The following PCYT2 variants were observed in gnomAD, a reference collection of about 807,000 sequenced individuals.
PCYT2 encodes the protein phosphate cytidylyltransferase 2, ethanolamine, also known as ethanolamine-phosphate cytidylyltransferase.
Under a neutral mutation model 50.0 loss-of-function variants are expected in PCYT2, and 33 were observed. The ratio of observed to expected loss-of-function variants is 0.66; its 90% CI spans 0.50 to 0.88. The LOEUF is 0.88. Among genes scored for constraint, PCYT2 ranks in the 40% least tolerant of loss-of-function variants. The pLI, the probability that PCYT2 is intolerant of heterozygous loss-of-function variation, is 0.00. For missense variants in PCYT2, 430 were observed against 519.7 expected, an observed-to-expected ratio of 0.83 and a Z score of 1.68; for synonymous variants, 240 against 203.7, an observed-to-expected ratio of 1.18 and a Z score of -1.52.
At position 81,902,304 on chromosome 17, in the gene PCYT2, C is replaced by A. The variant is rs140557486; in HGVS notation, c.*2529G>T. 4,178 of 1,325,976 alleles carry A rather than the reference C, an allele frequency of 3.2e-3. 96 individuals are homozygous for A. The African/African-American group carries it at 0.058, about 18-fold the overall frequency. 82.1% of individuals were successfully genotyped at this position (1,325,976 alleles called of 1,614,324 possible). On this transcript the variant is annotated 3_prime_UTR_variant, in exon 13 of 13. Transcript: ENST00000538936. ...TGGCCCGGTCCGCGACACTGGCGGC[C>A]GCCGCCCTGGCGCTGTGCCTGCTGC...
rs547835867 is a variant in PCYT2 at position 81,909,750 on chromosome 17, G to A, written c.90-148C>T. On this transcript the variant is annotated intron_variant, in intron 1 of 12. Coordinates refer to ENST00000538936, the MANE Select transcript of PCYT2 (RefSeq NM_002861.5). ...CTGGGAGCCCTGGGACTGGGATTCG[G>A]AGGATGTAGGTGCTCAGCTCTCCAC... 144 of 641,522 alleles carry A rather than the reference G, an allele frequency of 2.2e-4. 1 individual carries two copies. The highest frequency in any genetic ancestry group is 3.6e-4 in the Non-Finnish European group (123 of 343,396). The allele number at this position is 641,522 out of a possible 1,614,324, so 39.7% of individuals were successfully genotyped here. A position where few individuals can be genotyped will look rare whatever the true frequency, so the allele number is the denominator to read the frequency against.
Position 81,902,591 on chromosome 17 carries a change from C to T in PCYT2, c.*2242G>A, listed in dbSNP as rs2039999229. On this transcript the variant is annotated 3_prime_UTR_variant, in exon 13 of 13. Coordinates refer to ENST00000538936, the MANE Select transcript of PCYT2 (RefSeq NM_002861.5). ...AGGACGTGGGTGGGGGTGCGGCGGC[C>T]CCTCAGCCTTTGCTTGCCTGCCCCC... 3 of 1,536,234 alleles carry T rather than the reference C, an allele frequency of 2.0e-6. No individual in the cohort carries two copies. Among genetic ancestry groups the T allele is most frequent in the South Asian group, 2.4e-5 (2 of 83,170 alleles).
In PCYT2 at chr17:81,902,247, C is replaced by T; in HGVS notation, c.*2586G>A. 8.1e-7 allele frequency: 1 copy of T among 1,229,544 alleles called. No homozygotes were observed. Among genetic ancestry groups the T allele is most frequent in the Non-Finnish European group, 1.0e-6 (1 of 986,560 alleles). The allele number at this position is 1,229,544 out of a possible 1,614,324, so 76.2% of individuals were successfully genotyped here. On this transcript the variant is annotated 3_prime_UTR_variant, in exon 13 of 13. Coordinates refer to ENST00000538936, the MANE Select transcript of PCYT2 (RefSeq NM_002861.5). ...AGGCGGTGGCTGCTCCGAGCCCGGA[C>T]GCCGCCGCCCACCAGTCAGCCGGCG...
Position 81,906,871 on chromosome 17 carries a change from C to T in PCYT2, c.565G>A (p.Gly189Arg), listed in dbSNP as rs765528397. 9.3e-6 allele frequency: 15 copies of T among 1,613,096 alleles called. No homozygotes were observed. The highest frequency in any genetic ancestry group is 3.3e-5 in the Admixed American group (2 of 59,992). The part of the protein sequence containing the change: ...KCPGGRNPWT[G>R]VSQFLQTSQK... ...GATGTCTGCAGGAACTGGGATACCCCGGTCCAGGGGTTCCGCCCACCAGGG... is the reference window on the plus strand; with the variant it reads ...GATGTCTGCAGGAACTGGGATACCCTGGTCCAGGGGTTCCGCCCACCAGGG... The change falls in exon 7 of 13, where the codon GGG (glycine) becomes AGG (arginine). Residue 189 changes from glycine to arginine, a missense_variant. This residue lies in a region of PCYT2 where 248 missense variants were observed against 300.2 expected (regional missense o/e 0.83). Transcript: ENST00000538936.
chr17:81,902,825 C>G lies in PCYT2; in HGVS notation c.*2008G>C, dbSNP rs1165798523. 1 of 1,352,828 alleles carries G rather than the reference C, an allele frequency of 7.4e-7. No homozygotes were observed. 83.8% of individuals were successfully genotyped at this position (1,352,828 alleles called of 1,614,324 possible). ...TCGGTGACCCCAGGCCCCTCCGGCG[C>G]GGGATGGCGCCCCAGGTCTCCCCTA... On this transcript the variant is annotated 3_prime_UTR_variant, in exon 13 of 13. Transcript: ENST00000538936.
In PCYT2 at chr17:81,902,882, A is replaced by C; in HGVS notation, c.*1951T>G. 1.3e-6 allele frequency: 1 copy of C among 763,542 alleles called. No homozygotes were observed. The highest frequency in any genetic ancestry group is 2.0e-6 in the Non-Finnish European group (1 of 507,858). The allele number at this position is 763,542 out of a possible 1,614,324, so 47.3% of individuals were successfully genotyped here. ...TCACCCCGCAGTTAATGGCAAACGA[A>C]TAAATAAATGAGGCGGCCTCGGAGT... On this transcript the variant is annotated 3_prime_UTR_variant, in exon 13 of 13. Transcript: ENST00000538936.
In PCYT2 at chr17:81,902,257, CACCA is replaced by C; in HGVS notation, c.*2572_*2575del. 1 of 1,237,550 alleles carries C rather than the reference CACCA, an allele frequency of 8.1e-7. No individual in the cohort carries two copies. The highest frequency in any genetic ancestry group is 1.0e-6 in the Non-Finnish European group (1 of 991,470). 76.7% of individuals were successfully genotyped at this position (1,237,550 alleles called of 1,614,324 possible). ...TGCTCCGAGCCCGGACGCCGCCGCC[CACCA>C]GTCAGCCGGCGTCCCCATGGCCCGG... is the stretch of plus-strand genomic sequence containing the variant. On this transcript the variant is annotated 3_prime_UTR_variant, in exon 13 of 13. Transcript: ENST00000538936.
chr17:81,907,510 C>T (rs922786063), intron 6 of PCYT2, 44 bp downstream of exon 6: 1 of 1,575,866 alleles, frequency 6.3e-7, no homozygotes, highest in Non-Finnish European at 8.6e-7. Context: ...CGGGGGAGCC[C>T]CCTGCAGCTG....
Position 81,902,743 on chromosome 17 carries a change from G to A in PCYT2, c.*2090C>T. The A allele has an allele frequency of 6.2e-7, 1 of 1,605,546 alleles. No homozygotes were observed. The highest frequency in any genetic ancestry group is 1.3e-5 in the African/African-American group (1 of 74,504). ...CCTGCGCGCAGCCGACTGCCTCGCC[G>A]CCTGAGCCCGGACCTCTCCTGGCAC... On this transcript the variant is annotated 3_prime_UTR_variant, in exon 13 of 13. Coordinates refer to ENST00000538936, the MANE Select transcript of PCYT2 (RefSeq NM_002861.5).
chr17:81,905,730 C>T lies in PCYT2; in HGVS notation c.843G>A (p.Val281=). ...ACGGGGCTCCAATCACCACTTCTGA[C>T]ACGTACTGTGGGGACAGTGGGGGCA... ...RTLSVLACRY[V]SEVVIGAPYA... Residue 281 remains valine (V), a synonymous_variant, in exon 10 of 13, where the codon GTG becomes GTA. Transcript: ENST00000538936. 6.2e-7 allele frequency: 1 copy of T among 1,613,608 alleles called. No individual in the cohort carries two copies. The highest frequency in any genetic ancestry group is 8.5e-7 in the Non-Finnish European group (1 of 1,179,980).
rs150042877 is a variant in PCYT2 at position 81,901,570 on chromosome 17, G to A, written c.*3263C>T. 5 of 152,346 alleles carry A rather than the reference G, an allele frequency of 3.3e-5. No individual in the cohort carries two copies. The highest frequency in any genetic ancestry group is 2.1e-4 in the South Asian group (1 of 4,834). 9.4% of individuals were successfully genotyped at this position (152,346 alleles called of 1,614,324 possible). Reference sequence around the variant, plus strand: ...GGACCTTGGGGGAGCATGAAATGGTGAGGGCACAGTGAGCTTGAAGGCTGA... The same window carrying A: ...GGACCTTGGGGGAGCATGAAATGGTAAGGGCACAGTGAGCTTGAAGGCTGA... On this transcript the variant is annotated 3_prime_UTR_variant, in exon 13 of 13. Transcript: ENST00000538936.
intron 1 of PCYT2, among the ~76,000 whole-genome samples, chr17:81,909,928 C>T (rs1326810383): frequency 6.6e-6 from 1 of 152,162 alleles, no homozygotes; most frequent in Non-Finnish European, 1.5e-5. Flanking sequence ...CGTGTCCTAT[C>T]CCCTCACCAA....
chr17:81,904,773 T>C lies in PCYT2; in HGVS notation c.*60A>G. 2 of 1,197,846 alleles carry C rather than the reference T, an allele frequency of 1.7e-6. No homozygotes were observed. Among genetic ancestry groups the C allele is most frequent in the Non-Finnish European group, 2.4e-6 (2 of 836,354 alleles). 74.2% of individuals were successfully genotyped at this position (1,197,846 alleles called of 1,614,324 possible). On this transcript the variant is annotated 3_prime_UTR_variant, in exon 13 of 13. Transcript: ENST00000538936. ...GAGGGCGGCCCTGCAGAGTCCTATG[T>C]CCAAACGCAGAAGGCGCAGAAGCAG...
At position 81,908,920 on chromosome 17, in the gene PCYT2, A is replaced by C; in HGVS notation, c.296T>G (p.Leu99Arg). The C allele has an allele frequency of 6.2e-7, 1 of 1,614,022 alleles. No individual in the cohort carries two copies. Among genetic ancestry groups the C allele is most frequent in the Non-Finnish European group, 8.5e-7 (1 of 1,180,006 alleles). The change falls in exon 3 of 13, where the codon CTA becomes CGA. Residue 99 changes from leucine to arginine, a missense_variant. This residue lies in a region of PCYT2 where 117 missense variants were observed against 163.9 expected (regional missense o/e 0.71). Coordinates refer to ENST00000538936, the MANE Select transcript of PCYT2 (RefSeq NM_002861.5). ...VVPAAPYVTT[L>R]ETLDKYNCDF... ...ACAGTTGTATTTGTCCAGGGTCTCTAGTGTAGTGACGTAGGGAGCCGCTGG... is the reference window on the plus strand; with the variant it reads ...ACAGTTGTATTTGTCCAGGGTCTCTCGTGTAGTGACGTAGGGAGCCGCTGG...
Position 81,901,990 on chromosome 17 carries a change from A to C in PCYT2, c.*2843T>G. The C allele has an allele frequency of 8.9e-6, 2 of 225,788 alleles. No homozygotes were observed. The highest frequency in any genetic ancestry group is 1.7e-5 in the Non-Finnish European group (2 of 116,806). The allele number at this position is 225,788 out of a possible 1,614,324, so 14.0% of individuals were successfully genotyped here. A position where few individuals can be genotyped will look rare whatever the true frequency, so the allele number is the denominator to read the frequency against. On this transcript the variant is annotated 3_prime_UTR_variant, in exon 13 of 13. Coordinates refer to ENST00000538936, the MANE Select transcript of PCYT2 (RefSeq NM_002861.5). Reference sequence around the variant, plus strand: ...CCCTGCTGCCACTGCGGCCCACGCAAGCCGGGCCTGAAGGGCGCGAGCGGC... The same window carrying C: ...CCCTGCTGCCACTGCGGCCCACGCACGCCGGGCCTGAAGGGCGCGAGCGGC...
In PCYT2 at chr17:81,902,504, T is replaced by C; in HGVS notation, c.*2329A>G. ...GCCGGCGCCTCCCCGGAGCTGCAAC[T>C]GCACCCCAGGCTGCGGAGCCTCGTG... On this transcript the variant is annotated 3_prime_UTR_variant, in exon 13 of 13. Coordinates refer to ENST00000538936, the MANE Select transcript of PCYT2 (RefSeq NM_002861.5). 1 of 1,429,910 alleles carries C rather than the reference T, an allele frequency of 7.0e-7. No homozygotes were observed. Among genetic ancestry groups the C allele is most frequent in the Non-Finnish European group, 9.1e-7 (1 of 1,099,026 alleles). 88.6% of individuals were successfully genotyped at this position (1,429,910 alleles called of 1,614,324 possible).
At position 81,902,341 on chromosome 17, in the gene PCYT2, G is replaced by T; in HGVS notation, c.*2492C>A. ...GCTGTGCCTGCTGCTGGCGCCGCCTGGCCTCGCGTGGTACAAGCCAGCGGC... is the reference window on the plus strand; with the variant it reads ...GCTGTGCCTGCTGCTGGCGCCGCCTTGCCTCGCGTGGTACAAGCCAGCGGC... On this transcript the variant is annotated 3_prime_UTR_variant, in exon 13 of 13. Coordinates refer to ENST00000538936, the MANE Select transcript of PCYT2 (RefSeq NM_002861.5). The T allele has an allele frequency of 7.5e-7, 1 of 1,340,084 alleles. No individual in the cohort carries two copies. The highest frequency in any genetic ancestry group is 9.5e-7 in the Non-Finnish European group (1 of 1,054,102). 83.0% of individuals were successfully genotyped at this position (1,340,084 alleles called of 1,614,324 possible). A position where few individuals can be genotyped will look rare whatever the true frequency, so the allele number is the denominator to read the frequency against.
At position 81,908,982 on chromosome 17, in the gene PCYT2, C is replaced by G; in HGVS notation, c.234G>C (p.Lys78Asn). 1 of 1,614,086 alleles carries G rather than the reference C, an allele frequency of 6.2e-7. No homozygotes were observed. The highest frequency in any genetic ancestry group is 8.5e-7 in the Non-Finnish European group (1 of 1,180,000). ...CCACCCATTTGATGGCCTGCACCAT[C>G]TTGTATCTCTCCTCCTGAGTGAACA... ...PPVFTQEERY[K>N]MVQAIKWVDE... Residue 78 changes from lysine (K) to asparagine (N), a missense_variant, in exon 3 of 13, where the codon AAG becomes AAC. Physicochemically the swap from Lys to Asn is moderately conservative, Grantham distance 94 (BLOSUM62 0). This residue lies in a region of PCYT2 where 117 missense variants were observed against 163.9 expected (regional missense o/e 0.71). Coordinates refer to ENST00000538936, the MANE Select transcript of PCYT2 (RefSeq NM_002861.5).
At chr17:81,908,021 G>A (rs2040371639) in intron 4 of PCYT2, among the ~76,000 whole-genome samples, 164 bp from the exon 5 acceptor site, 2 of 152,202 alleles carry the variant, frequency 1.3e-5, no homozygotes, top group South Asian at 4.1e-4. Context: ...GAAAACCTGG[G>A]TTGGGAACAT....
Sources: gnomAD v4.1 joint callset for allele counts (sites outside exome capture counted in the v4.1 genomes callset) on GRCh38, gnomAD v4.1.1 for gene constraint, gnomAD v4.1.1 regional missense constraint, MANE v1.5 for transcripts, NCBI Gene and HGNC (gene_info 2026-07-23, HGNC 2026-07-21) for gene names.